Variants in SLCO5A1 observed in about 807,000 individuals in gnomAD.
The protein encoded by SLCO5A1 is organic anion transporter polypeptide-related protein 4.
Under a neutral mutation model 65.1 loss-of-function variants are expected in SLCO5A1, and 39 were observed. That is an observed-to-expected ratio of 0.60 (90% CI 0.46 to 0.78). SLCO5A1 has a LOEUF of 0.78. Ranked by LOEUF, SLCO5A1 falls within the 30% of genes least tolerant of loss-of-function variation. The probability of loss-of-function intolerance (pLI) is 0.00; values close to 1 mark genes in which losing one functional copy is unlikely to be tolerated. For synonymous variants in SLCO5A1, 438 were observed against 415.7 expected (o/e 1.05, Z -0.65); for missense variants, 1,029 against 1,069.4 (o/e 0.96, Z 0.53).
chr8:69,772,382 G>A (rs569711973), intron 2 of SLCO5A1, among the ~76,000 whole-genome samples: 1 of 151,966 alleles, frequency 6.6e-6, no homozygotes, highest in Non-Finnish European at 1.5e-5. Context: ...AATTAGACAG[G>A]TGTGGTGGCA....
At chr8:69,785,373 A>T (rs1434104826) in intron 2 of SLCO5A1, among the ~76,000 whole-genome samples, 1 of 152,212 alleles carries the variant, frequency 6.6e-6, no homozygotes, top group Non-Finnish European at 1.5e-5. Flanking sequence ...TCTTATTGTA[A>T]TTTAAAATCA....
rs1422488318 is a variant in SLCO5A1 at position 69,705,245 on chromosome 8, G to A, written c.1424-16C>T. 1.9e-6 allele frequency: 3 copies of A among 1,610,642 alleles called. No individual in the cohort carries two copies. The highest frequency in any genetic ancestry group is 4.5e-5 in the East Asian group (2 of 44,862). ...ATAATAACCCCTGGGGAGAAGAGAA[G>A]GAGAGGATTAATTTGAACTCATGTA... On this transcript the variant is annotated splice_polypyrimidine_tract_variant and intron_variant, in intron 5 of 9. Transcript: ENST00000260126.
chr8:69,791,089 G>T (rs1819250019), intron 2 of SLCO5A1, among the ~76,000 whole-genome samples: 1 of 152,158 alleles, frequency 6.6e-6, no homozygotes, highest in African/African-American at 2.4e-5. Context: ...AGAATAAAGG[G>T]CTGGAATTTC....
At chr8:69,780,357 A>G (rs2130881958) in intron 2 of SLCO5A1, among the ~76,000 whole-genome samples, 1 of 152,322 alleles carries the variant, frequency 6.6e-6, no homozygotes, top group East Asian at 1.9e-4. Context: ...GCCTTCACAC[A>G]CTTATCATTG....
At chr8:69,831,265 GAAA>G (rs58430287) in intron 2 of SLCO5A1, among the ~76,000 whole-genome samples, 1 of 140,524 alleles carries the variant, frequency 7.1e-6, no homozygotes. Flanking sequence ...ATCTTAAAAA[GAAA>G]AAAAAAAAAA....
intron 2 of SLCO5A1, among the ~76,000 whole-genome samples, chr8:69,804,925 T>G (rs913779911): frequency 6.6e-6 from 1 of 152,170 alleles, no homozygotes; most frequent in Non-Finnish European, 1.5e-5. Context: ...TGGATTCTCC[T>G]GGATGAAAGA....
At chr8:69,781,133 C>G (rs778002377) in intron 2 of SLCO5A1, among the ~76,000 whole-genome samples, 2 of 152,208 alleles carry the variant, frequency 1.3e-5, no homozygotes, top group Admixed American at 6.5e-5. Flanking sequence ...CCTGGGAAGG[C>G]TGAGTCACTG....
intron 2 of SLCO5A1, among the ~76,000 whole-genome samples, chr8:69,806,298 A>G (rs1292965799): frequency 6.6e-6 from 1 of 152,214 alleles, no homozygotes; most frequent in Non-Finnish European, 1.5e-5. Flanking sequence ...CAAATGCAAT[A>G]TATAGTTTCC....
chr8:69,773,099 G>A, intron 2 of SLCO5A1: 1 of 332,340 alleles, frequency 3.0e-6, no homozygotes, highest in African/African-American at 2.2e-5. Context: ...GAACGTGCAT[G>A]GTGTATTCAG....
rs1398276976 is a variant in SLCO5A1, at chr8:69,707,069, T to C, written c.1424-1840A>G. Among the ~76,000 whole-genome samples, 5 of 152,160 alleles carry C rather than the reference T, an allele frequency of 3.3e-5. No homozygotes were observed. The East Asian group carries it at 9.7e-4, about 29-fold the overall frequency. ...AGACTGAGACAGGAGAATCGCTTGATTGAACCCTAGAGGCAGAGGTTGCAG... is the reference window on the plus strand; with the variant it reads ...AGACTGAGACAGGAGAATCGCTTGACTGAACCCTAGAGGCAGAGGTTGCAG... On this transcript the variant is annotated intron_variant, in intron 5 of 9. Transcript: ENST00000260126.
intron 5 of SLCO5A1, among the ~76,000 whole-genome samples, chr8:69,711,261 T>C (rs1402483600): frequency 1.3e-5 from 2 of 152,252 alleles, no homozygotes; most frequent in East Asian, 1.9e-4. Context: ...CCTCTTTCCC[T>C]TCCCTCTGTC....
At chr8:69,677,154 A>T (rs1306277584) in intron 8 of SLCO5A1, among the ~76,000 whole-genome samples, 2 of 152,242 alleles carry the variant, frequency 1.3e-5, no homozygotes, top group African/African-American at 2.4e-5. Context: ...AGTAAAGAAT[A>T]AAAGTATATT....
chr8:69,779,483 G>A (rs1408275566), intron 2 of SLCO5A1, among the ~76,000 whole-genome samples: 7 of 152,122 alleles, frequency 4.6e-5, no homozygotes. Flanking sequence ...TAAACCCAAA[G>A]CAGTATTTTA....
chr8:69,807,645 G>T (rs1820052538), intron 2 of SLCO5A1, among the ~76,000 whole-genome samples: 2 of 152,132 alleles, frequency 1.3e-5, no homozygotes, highest in Admixed American at 1.3e-4. Context: ...TTCACTTAAT[G>T]TAACGTCCTC....
intron 2 of SLCO5A1, among the ~76,000 whole-genome samples, chr8:69,812,597 A>T (rs989307277): frequency 2.0e-5 from 3 of 152,188 alleles, no homozygotes; most frequent in African/African-American, 7.2e-5. Flanking sequence ...CCTGACAACA[A>T]TGGCTCTAGA....
At chr8:69,731,910 A>G (rs1434173606) in intron 5 of SLCO5A1, among the ~76,000 whole-genome samples, 2 of 152,252 alleles carry the variant, frequency 1.3e-5, no homozygotes, top group African/African-American at 4.8e-5. Flanking sequence ...GTGGACATCT[A>G]CACCTAAAAC....
chr8:69,817,308 G>C (rs1004574851), intron 2 of SLCO5A1, among the ~76,000 whole-genome samples: 3 of 152,110 alleles, frequency 2.0e-5, no homozygotes, highest in African/African-American at 7.2e-5. Flanking sequence ...AATTCATGTT[G>C]TGTGTCAGAC....
chr8:69,710,904 T>C (rs371498977), intron 5 of SLCO5A1, among the ~76,000 whole-genome samples: 11 of 152,058 alleles, frequency 7.2e-5, no homozygotes, highest in East Asian at 1.9e-4. Context: ...AATATGGACA[T>C]TGCTTGGATC....
chr8:69,685,776 C>A (rs948031222), intron 6 of SLCO5A1, among the ~76,000 whole-genome samples: 2 of 152,094 alleles, frequency 1.3e-5, no homozygotes, highest in African/African-American at 4.8e-5. Flanking sequence ...CTCAAGAAAA[C>A]CAGCCCTGGG....
Sources: gnomAD v4.1 joint callset for allele counts (sites outside exome capture counted in the v4.1 genomes callset) on GRCh38, gnomAD v4.1.1 for gene constraint, MANE v1.5 for transcripts, NCBI Gene and HGNC (gene_info 2026-07-23, HGNC 2026-07-21) for gene names.